ANO10: variants seen among roughly 807,000 people sequenced by gnomAD.
ANO10 encodes the protein anoctamin-10.
In ANO10, 77 loss-of-function variants were observed where a neutral mutation model predicts 74.7. That is an observed-to-expected ratio of 1.03 (90% CI 0.86 to 1.25). The LOEUF (loss-of-function observed/expected upper bound fraction) is 1.25, where lower values mean the gene tolerates loss of function less well. ANO10 is among the 50% of genes most tolerant of loss of function. ANO10 has a pLI of 0.00. For synonymous variants in ANO10, 279 were observed against 284.9 expected, an observed-to-expected ratio of 0.98 and a Z score of 0.21; for missense variants, 721 against 778.1, an observed-to-expected ratio of 0.93 and a Z score of 0.87.
chr3:43,559,159 G>A (rs2079905271), intron 9 of ANO10, among the ~76,000 whole-genome samples: 1 of 152,118 alleles, frequency 6.6e-6, no homozygotes, highest in South Asian at 2.1e-4. Flanking sequence ...CCTTCATAAA[G>A]GTTTTGTCAG....
intron 7 of ANO10, among the ~76,000 whole-genome samples, chr3:43,570,643 G>C (rs561637471): frequency 2.0e-5 from 3 of 150,660 alleles, no homozygotes; most frequent in African/African-American, 7.3e-5. Flanking sequence ...GTAGAAAGCT[G>C]AAACTGGATC....
chr3:43,517,651 T>A (rs1293077393), intron 11 of ANO10, among the ~76,000 whole-genome samples: 1 of 152,206 alleles, frequency 6.6e-6, no homozygotes, highest in Non-Finnish European at 1.5e-5. Context: ...GGTCTCAGAA[T>A]GGAACCTACC....
At chr3:43,664,367 T>G (rs1264901611) in intron 1 of ANO10, among the ~76,000 whole-genome samples, 3 of 151,616 alleles carry the variant, frequency 2.0e-5, no homozygotes, top group African/African-American at 7.3e-5. Flanking sequence ...TTACACCTTA[T>G]ATAAAAATCA....
At chr3:43,628,303 G>T (rs983563381) in intron 1 of ANO10, among the ~76,000 whole-genome samples, 4 of 152,212 alleles carry the variant, frequency 2.6e-5, no homozygotes, top group African/African-American at 9.6e-5. Flanking sequence ...TGTCTTTACT[G>T]CAATCTGTAA....
At chr3:43,676,337 T>C (rs2084121129) in intron 1 of ANO10, among the ~76,000 whole-genome samples, 2 of 151,822 alleles carry the variant, frequency 1.3e-5, no homozygotes, top group African/African-American at 4.8e-5. Context: ...GTGGTAAGCA[T>C]GTGGTCCCAG....
At chr3:43,528,655 T>C (rs2078317483) in intron 11 of ANO10, among the ~76,000 whole-genome samples, 1 of 151,330 alleles carries the variant, frequency 6.6e-6, no homozygotes, top group East Asian at 1.9e-4. Flanking sequence ...AAAATATGTG[T>C]CAAAATGAAA....
intron 11 of ANO10, among the ~76,000 whole-genome samples, chr3:43,543,776 T>A (rs527864742): frequency 2.6e-4 from 39 of 152,312 alleles, no homozygotes; most frequent in South Asian, 1.4e-3. Context: ...TTAAATGATA[T>A]TTTTTAAACC....
At chr3:43,485,012 T>C in intron 11 of ANO10, 1 of 1,468,308 alleles carries the variant, frequency 6.8e-7, no homozygotes, top group South Asian at 1.2e-5. Context: ...GAGGCGTGGC[T>C]TGTGCTGACG....
At chr3:43,524,002 T>C (rs2078075697) in intron 11 of ANO10, among the ~76,000 whole-genome samples, 2 of 151,476 alleles carry the variant, frequency 1.3e-5, no homozygotes, top group Admixed American at 1.3e-4. Context: ...GGGGCCACAG[T>C]GGAAGCCATG....
At chr3:43,388,483 G>C (rs955195995) in intron 12 of ANO10, among the ~76,000 whole-genome samples, 11 of 152,068 alleles carry the variant, frequency 7.2e-5, no homozygotes, top group African/African-American at 2.2e-4. Context: ...CATTCCGAAG[G>C]CTCTTTTGTT....
At chr3:43,650,008 C>T (rs1275369846) in intron 1 of ANO10, among the ~76,000 whole-genome samples, 1 of 151,446 alleles carries the variant, frequency 6.6e-6, no homozygotes, top group Non-Finnish European at 1.5e-5. Context: ...CCATGTACGG[C>T]GTAAGTGTTA....
chr3:43,683,179 AC>A (rs2084224795), intron 1 of ANO10, among the ~76,000 whole-genome samples: 1 of 152,122 alleles, frequency 6.6e-6, no homozygotes, highest in African/African-American at 2.4e-5. Context: ...TATCTAGAAA[AC>A]CCCATCATCT....
chr3:43,450,123 A>T (rs2074792691), intron 11 of ANO10, among the ~76,000 whole-genome samples: 1 of 152,168 alleles, frequency 6.6e-6, no homozygotes. Context: ...CTTTTATTCT[A>T]CTAGTTTCTG....
At chr3:43,374,797 A>G (rs2091740147) in intron 12 of ANO10, among the ~76,000 whole-genome samples, 1 of 152,164 alleles carries the variant, frequency 6.6e-6, no homozygotes, top group African/African-American at 2.4e-5. Context: ...GTATGCACAC[A>G]TTTTAGCAAG....
intron 1 of ANO10, among the ~76,000 whole-genome samples, chr3:43,667,525 G>A (rs2084006867): frequency 6.6e-6 from 1 of 151,894 alleles, no homozygotes; most frequent in Non-Finnish European, 1.5e-5. Flanking sequence ...TGAGATTTTA[G>A]GGCACTCGCC....
chr3:43,608,731 G>A (rs945686309), intron 1 of ANO10, among the ~76,000 whole-genome samples: 3 of 152,072 alleles, frequency 2.0e-5, no homozygotes, highest in Non-Finnish European at 2.9e-5. Context: ...ACAGGTGCGT[G>A]CCATGACACC....
intron 11 of ANO10, among the ~76,000 whole-genome samples, chr3:43,453,590 C>A (rs767381262): frequency 3.3e-5 from 5 of 152,178 alleles, no homozygotes; most frequent in Non-Finnish European, 7.4e-5. Context: ...GTTTTCTAGT[C>A]TTGGCTTATA....
intron 11 of ANO10, among the ~76,000 whole-genome samples, chr3:43,479,914 G>T (rs1325566255): frequency 6.6e-6 from 1 of 152,106 alleles, no homozygotes; most frequent in Non-Finnish European, 1.5e-5. Flanking sequence ...CTGAACTACA[G>T]GCAGCACCAG....
At chr3:43,661,661 A>G (rs2083928097) in intron 1 of ANO10, among the ~76,000 whole-genome samples, 1 of 152,230 alleles carries the variant, frequency 6.6e-6, no homozygotes, top group Non-Finnish European at 1.5e-5. Flanking sequence ...TAGGAGATCC[A>G]TTTCACATGC....
Sources: allele counts gnomAD v4.1 joint callset (sites outside exome capture counted in the v4.1 genomes callset), GRCh38; gene constraint gnomAD v4.1.1; transcripts MANE v1.5; gene names NCBI Gene and HGNC (gene_info 2026-07-23, HGNC 2026-07-21).